Variants in NOVA1 observed in about 807,000 individuals in gnomAD.
NOVA1 encodes the protein NOVA alternative splicing regulator 1, also known as RNA-binding protein Nova-1.
In NOVA1, 7 loss-of-function variants were observed where a neutral mutation model predicts 38.0. The ratio of observed to expected loss-of-function variants is 0.18; its 90% CI spans 0.10 to 0.35. The LOEUF (loss-of-function observed/expected upper bound fraction) is 0.35, where lower values mean the gene tolerates loss of function less well. NOVA1 is among the 10% of genes least tolerant of loss of function. NOVA1 has a pLI of 1.00. For synonymous variants in NOVA1, 270 were observed against 232.5 expected (o/e 1.16, Z -1.47); for missense variants, 460 against 616.0 (o/e 0.75, Z 2.68).
At chr14:26,573,861 G>A (rs527864851) in intron 2 of NOVA1, among the ~76,000 whole-genome samples, 2 of 152,216 alleles carry the variant, frequency 1.3e-5, no homozygotes, top group South Asian at 4.1e-4. Flanking sequence ...GTTAGACTGA[G>A]TAGCAGAATC....
intron 2 of NOVA1, among the ~76,000 whole-genome samples, chr14:26,508,860 G>A (rs992719631): frequency 6.6e-6 from 1 of 150,936 alleles, no homozygotes; most frequent in Non-Finnish European, 1.5e-5. Flanking sequence ...TAAAATAAAA[G>A]AAAAAATTTA....
Position 26,597,602 on chromosome 14 carries a change from T to C in NOVA1, c.-166A>G. On this transcript the variant is annotated 5_prime_UTR_variant, in exon 1 of 5. Transcript: ENST00000539517. ...AATCTCTTTAGGAAAAAAAGCAATG[T>C]TGCTGGTTTGTTCTCACTGGGGAGG... 2 of 1,221,510 alleles carry C rather than the reference T, an allele frequency of 1.6e-6. No individual in the cohort carries two copies. Among genetic ancestry groups the C allele is most frequent in the Non-Finnish European group, 1.0e-6 (1 of 983,612 alleles). 75.7% of individuals were successfully genotyped at this position (1,221,510 alleles called of 1,614,324 possible).
At chr14:26,581,205 C>T (rs1204185230) in intron 2 of NOVA1, among the ~76,000 whole-genome samples, 1 of 152,080 alleles carries the variant, frequency 6.6e-6, no homozygotes, top group Non-Finnish European at 1.5e-5. Flanking sequence ...ATTCGTCGTA[C>T]TTCCACAGAG....
chr14:26,515,148 G>T (rs2138474341), intron 2 of NOVA1, among the ~76,000 whole-genome samples: 1 of 151,958 alleles, frequency 6.6e-6, no homozygotes, highest in South Asian at 2.1e-4. Flanking sequence ...TATTTCAAGA[G>T]AAATTCTCAT....
intron 2 of NOVA1, among the ~76,000 whole-genome samples, chr14:26,560,146 C>T (rs1376583476): frequency 6.6e-6 from 1 of 151,836 alleles, no homozygotes; most frequent in Non-Finnish European, 1.5e-5. Context: ...TTTAAGGATG[C>T]CTGAAAGGTA....
chr14:26,553,945 A>G (rs891087789), intron 2 of NOVA1, among the ~76,000 whole-genome samples: 2 of 151,114 alleles, frequency 1.3e-5, no homozygotes, highest in African/African-American at 2.4e-5. Context: ...CCCCGGTTCA[A>G]TATCAGCCTG....
chr14:26,576,159 G>GTA (rs142710138), intron 2 of NOVA1, among the ~76,000 whole-genome samples: 159 of 150,310 alleles, frequency 1.1e-3, no homozygotes, highest in East Asian at 1.8e-3. Context: ...CAATGTGTGT[G>GTA]TATATATATA....
intron 2 of NOVA1, among the ~76,000 whole-genome samples, chr14:26,484,234 G>A (rs577774215): frequency 3.1e-4 from 47 of 151,240 alleles, no homozygotes; most frequent in African/African-American, 1.1e-3. Context: ...GAAGATCGAG[G>A]CCATCCTGGC....
chr14:26,594,394 TA>T (rs1420335561), intron 2 of NOVA1: 4 of 152,016 alleles, frequency 2.6e-5, no homozygotes, highest in Non-Finnish European at 5.9e-5. Context: ...AAAGAACTCT[TA>T]CTGAATTAGA....
rs190590656 is a variant in NOVA1 at position 26,466,641 on chromosome 14, T to C, written c.519+5679A>G. Among the ~76,000 whole-genome samples, 385 of 152,342 alleles carry C rather than the reference T, an allele frequency of 2.5e-3. 1 individual carries two copies. Among genetic ancestry groups the C allele is most frequent in the African/African-American group, 8.8e-3 (364 of 41,584 alleles). ...CTTCTTTAGTTCATGGTTGCTATGGTTAAAATGTTTTTGTCCATTCCAAAA... is the reference window on the plus strand; with the variant it reads ...CTTCTTTAGTTCATGGTTGCTATGGCTAAAATGTTTTTGTCCATTCCAAAA... On this transcript the variant is annotated intron_variant, in intron 4 of 4. Transcript: ENST00000539517.
In NOVA1 at chr14:26,455,475, G is replaced by C. The variant is rs561341486; in HGVS notation, c.520-6512C>G. Among the ~76,000 whole-genome samples the C allele has an allele frequency of 7.9e-5, 12 of 152,072 alleles. No individual in the cohort carries two copies. The East Asian group carries it at 2.3e-3, about 29-fold the overall frequency. ...GGCAACTTAGTGAGACTGAGGATAAGGAGTCTTTATTTTAGCATTATGAGA... is the reference window on the plus strand; with the variant it reads ...GGCAACTTAGTGAGACTGAGGATAACGAGTCTTTATTTTAGCATTATGAGA... On this transcript the variant is annotated intron_variant, in intron 4 of 4. Transcript: ENST00000539517.
At chr14:26,468,154 G>A (rs1412339409) in intron 4 of NOVA1, among the ~76,000 whole-genome samples, 2 of 152,150 alleles carry the variant, frequency 1.3e-5, no homozygotes, top group Non-Finnish European at 2.9e-5. Context: ...ACAATGTGGA[G>A]AGATTCTCCT....
chr14:26,526,779 A>C (rs1821663729), intron 2 of NOVA1, among the ~76,000 whole-genome samples: 1 of 152,170 alleles, frequency 6.6e-6, no homozygotes, highest in Non-Finnish European at 1.5e-5. Context: ...GCTACCTTCA[A>C]GTGGTCCAAA....
At chr14:26,582,799 T>C (rs1893302835) in intron 2 of NOVA1, among the ~76,000 whole-genome samples, 1 of 151,572 alleles carries the variant, frequency 6.6e-6, no homozygotes, top group Non-Finnish European at 1.5e-5. Context: ...GAGTAAAGAG[T>C]CCATCAGACT....
At position 26,508,881 on chromosome 14, in the gene NOVA1, A is replaced by G. The variant is rs895622489; in HGVS notation, c.281-28738T>C. Among the ~76,000 whole-genome samples the G allele has an allele frequency of 3.9e-5, 6 of 152,032 alleles. No homozygotes were observed. The East Asian group carries it at 7.7e-4, about 20-fold the overall frequency. ...AAAAGAAAAAATTTAATAGAAGTGT[A>G]TATGTTTAAATATATGAAAGATGAA... On this transcript the variant is annotated intron_variant, in intron 2 of 4. Coordinates refer to ENST00000539517, the MANE Select transcript of NOVA1 (RefSeq NM_002515.3).
chr14:26,548,810 G>GAA (rs36112756), intron 2 of NOVA1, among the ~76,000 whole-genome samples: 44 of 148,496 alleles, frequency 3.0e-4, no homozygotes, highest in Middle Eastern at 3.5e-3. Context: ...AAATGTTAAA[G>GAA]AAAAAAAAAA....
chr14:26,536,270 A>T (rs1412756331), intron 2 of NOVA1, among the ~76,000 whole-genome samples: 1 of 151,970 alleles, frequency 6.6e-6, no homozygotes. Context: ...AAAAAAAAAT[A>T]GAACGAATAA....
At chr14:26,507,960 T>A (rs1392101335) in intron 2 of NOVA1, among the ~76,000 whole-genome samples, 1 of 151,838 alleles carries the variant, frequency 6.6e-6, no homozygotes, top group East Asian at 1.9e-4. Context: ...AACAAGACCA[T>A]AAGAGTTATA....
intron 4 of NOVA1, among the ~76,000 whole-genome samples, chr14:26,449,531 G>A (rs1031076324): frequency 6.6e-6 from 1 of 152,002 alleles, no homozygotes; most frequent in African/African-American, 2.4e-5. Context: ...TGTCTTCAGA[G>A]ATAAAGGTCA....
Sources: gnomAD v4.1 joint callset for allele counts (sites outside exome capture counted in the v4.1 genomes callset) on GRCh38, gnomAD v4.1.1 for gene constraint, MANE v1.5 for transcripts, NCBI Gene and HGNC (gene_info 2026-07-23, HGNC 2026-07-21) for gene names.